Variants in ATCAY observed in about 807,000 individuals in gnomAD.
ATCAY encodes the protein caytaxin.
ATCAY carries 22 observed loss-of-function variants against 47.7 expected under a neutral mutation model. That is an observed-to-expected ratio of 0.46 (90% CI 0.33 to 0.66). ATCAY has a LOEUF of 0.66. ATCAY is among the 30% of genes least tolerant of loss of function. The probability of loss-of-function intolerance (pLI) is 0.02; values close to 1 mark genes in which losing one functional copy is unlikely to be tolerated. For synonymous variants in ATCAY, 216 were observed against 207.6 expected, an observed-to-expected ratio of 1.04 and a Z score of -0.35; for missense variants, 452 against 515.0, an observed-to-expected ratio of 0.88 and a Z score of 1.18.
At position 3,887,749 on chromosome 19, in the gene ATCAY, G is replaced by A. The variant is rs1208728141; in HGVS notation, c.77+1905G>A. On this transcript the variant is annotated intron_variant, in intron 2 of 12. Coordinates refer to ENST00000450849, the MANE Select transcript of ATCAY (RefSeq NM_033064.5). ...GATCCGCCCACCTCGGCCTCCCAAA[G>A]TGCTGGGATTACAGGCGTGAGCCAT... Among the ~76,000 whole-genome samples the A allele has an allele frequency of 4.0e-5, 6 of 148,972 alleles. No homozygotes were observed. In the East Asian group the frequency reaches 1.3e-3, roughly 31 times the overall value.
At chr19:3,917,820 G>C (rs780865061) in intron 10 of ATCAY, 43 bp downstream of exon 10, 76 of 1,599,596 alleles carry the variant, frequency 4.8e-5, no homozygotes, top group Non-Finnish European at 2.9e-5. Context: ...TCGGGGCAGC[G>C]GGGGGCTGAG....
chr19:3,918,506 G>A (rs1434848427), intron 10 of ATCAY, among the ~76,000 whole-genome samples: 1 of 150,426 alleles, frequency 6.6e-6, no homozygotes, highest in African/African-American at 2.4e-5. Flanking sequence ...AGTGAGCCAT[G>A]ATTGTACCAT....
Position 3,924,747 on chromosome 19 carries a change from C to A in ATCAY, c.*155C>A. On this transcript the variant is annotated 3_prime_UTR_variant, in exon 13 of 13. Transcript: ENST00000450849. ...TCCGTTCATCTCTGAAACCCAGCAT[C>A]CTTTTCAGCTGCTTGAAAACATTGT... 1.4e-6 allele frequency: 1 copy of A among 717,138 alleles called. No homozygotes were observed. The highest frequency in any genetic ancestry group is 2.3e-6 in the Non-Finnish European group (1 of 433,046). The allele number at this position is 717,138 out of a possible 1,614,324, so 44.4% of individuals were successfully genotyped here. A position where few individuals can be genotyped will look rare whatever the true frequency, so the allele number is the denominator to read the frequency against.
chr19:3,908,237 C>T, intron 5 of ATCAY, 31 bp from the exon 6 acceptor site: 1 of 1,540,836 alleles, frequency 6.5e-7, no homozygotes. Flanking sequence ...GGAGAGGACT[C>T]TGACGTTGCC....
At chr19:3,909,279 G>C (rs778639397) in intron 6 of ATCAY, among the ~76,000 whole-genome samples, 16 of 150,166 alleles carry the variant, frequency 1.1e-4, no homozygotes, top group Admixed American at 2.0e-4. Context: ...TGCCCTATGA[G>C]GATGCCCGCT....
intron 9 of ATCAY, among the ~76,000 whole-genome samples, chr19:3,915,706 A>G (rs904193755): frequency 7.3e-6 from 1 of 137,326 alleles, no homozygotes; most frequent in African/African-American, 2.8e-5. Flanking sequence ...ACCCACCACC[A>G]TGCCCAGCTA....
At chr19:3,917,820 G>A (rs780865061) in intron 10 of ATCAY, 43 bp downstream of exon 10, 28 of 1,599,596 alleles carry the variant, frequency 1.8e-5, no homozygotes, top group Middle Eastern at 1.8e-4. Context: ...TCGGGGCAGC[G>A]GGGGGCTGAG....
intron 1 of ATCAY, among the ~76,000 whole-genome samples, chr19:3,884,588 T>C (rs929501735): frequency 6.6e-6 from 1 of 152,056 alleles, no homozygotes. Context: ...CTAGTTGAGG[T>C]CCAAGGCACA....
At chr19:3,915,806 C>T (rs1170563813) in intron 9 of ATCAY, among the ~76,000 whole-genome samples, 2 of 150,970 alleles carry the variant, frequency 1.3e-5, no homozygotes, top group Non-Finnish European at 2.9e-5. Flanking sequence ...CCGCCCACCT[C>T]AGCCTCCCAA....
chr19:3,906,159 A>G (rs1247044234), intron 4 of ATCAY, among the ~76,000 whole-genome samples: 1 of 142,478 alleles, frequency 7.0e-6, no homozygotes, highest in African/African-American at 2.6e-5. Flanking sequence ...CGACAGAGCG[A>G]GACTCCGTCT....
At chr19:3,920,905 A>T in intron 12 of ATCAY, 107 bp downstream of exon 12, 1 of 1,349,056 alleles carries the variant, frequency 7.4e-7, no homozygotes, top group South Asian at 1.2e-5. Context: ...AGCTGCCAGC[A>T]AATATAAAGC....
At chr19:3,901,162 A>G (rs2038813345) in intron 2 of ATCAY, among the ~76,000 whole-genome samples, 1 of 152,024 alleles carries the variant, frequency 6.6e-6, no homozygotes. Flanking sequence ...TCGGCCTCCC[A>G]AAGTGCTGGG....
At chr19:3,890,247 ATTTTTTTTTTTTTTTT>A (rs764697276) in intron 2 of ATCAY, among the ~76,000 whole-genome samples, 10 of 38,550 alleles carry the variant, frequency 2.6e-4, no homozygotes, top group South Asian at 2.1e-3. Context: ...TCCACCTATA[ATTTTTTTTTTTTTTTT>A]TTTTTTTTTT....
At position 3,907,664 on chromosome 19, in the gene ATCAY, A is replaced by C; in HGVS notation, c.359-70A>C. On this transcript the variant is annotated intron_variant, in intron 4 of 12. Transcript: ENST00000450849. The surrounding 1 kb of genome is among the most constrained non-coding windows in gnomAD (Gnocchi z 5.1). ...GCGAGGGAGGTGGGAGAGGGGAAGG[A>C]AGGCTGAGCAGGAGGGCAGGAGATA... 1.1e-5 allele frequency: 18 copies of C among 1,573,112 alleles called. No homozygotes were observed. In the South Asian group the frequency reaches 2.0e-4, roughly 18 times the overall value.
At chr19:3,916,550 G>A (rs2038967640) in intron 9 of ATCAY, among the ~76,000 whole-genome samples, 1 of 152,138 alleles carries the variant, frequency 6.6e-6, no homozygotes. Flanking sequence ...CTGGAGTGCA[G>A]TGGCGCTATC....
chr19:3,883,718 A>G (rs1400227155), intron 1 of ATCAY, among the ~76,000 whole-genome samples: 6 of 152,210 alleles, frequency 3.9e-5, no homozygotes, highest in African/African-American at 1.4e-4. Context: ...CCACAGGTGC[A>G]AAGCACTGGT....
chr19:3,913,763 A>G lies in ATCAY; in HGVS notation c.872A>G (p.Lys291Arg), dbSNP rs1056403616. 1 of 1,613,678 alleles carries G rather than the reference A, an allele frequency of 6.2e-7. No homozygotes were observed. The highest frequency in any genetic ancestry group is 2.2e-5 in the East Asian group (1 of 44,870). ...CCTCCTTCTCCCCCCGCCAGCGTCA[A>G]GTTCATCAACAAGATCCAGTACGTG... Reference protein sequence around the residue: ...LAISRPFISVKFINKIQYVHS... With the variant: ...LAISRPFISVRFINKIQYVHS... The change falls in exon 9 of 13, where the codon AAG (lysine) becomes AGG (arginine). Residue 291 changes from lysine (K) to arginine (R), a missense_variant. Physicochemically the swap from Lys to Arg is conservative, Grantham distance 26. Coordinates refer to ENST00000450849, the MANE Select transcript of ATCAY (RefSeq NM_033064.5).
intron 2 of ATCAY, among the ~76,000 whole-genome samples, chr19:3,886,452 G>T (rs1017207552): frequency 3.9e-5 from 6 of 151,914 alleles, no homozygotes; most frequent in African/African-American, 1.4e-4. Flanking sequence ...TTAGCCGGGT[G>T]TGTGGCAGGC....
At chr19:3,882,930 C>A (rs2038614458) in intron 1 of ATCAY, among the ~76,000 whole-genome samples, 1 of 151,854 alleles carries the variant, frequency 6.6e-6, no homozygotes, top group African/African-American at 2.4e-5. Context: ...CTCAGGCACC[C>A]ACCATTGTGC....
Sources: gnomAD v4.1 joint callset for allele counts (sites outside exome capture counted in the v4.1 genomes callset) on GRCh38, gnomAD v4.1.1 for gene constraint, Gnocchi (gnomAD v3.1) non-coding constraint, MANE v1.5 for transcripts, NCBI Gene and HGNC (gene_info 2026-07-23, HGNC 2026-07-21) for gene names.